The following GRK3 variants were observed in gnomAD, a reference collection of about 807,000 sequenced individuals.
GRK3 encodes the protein adrenergic, beta, receptor kinase 2.
A neutral mutation model predicts 95.7 loss-of-function variants in GRK3; 54 were observed. That is an observed-to-expected ratio of 0.56 (90% CI 0.45 to 0.71). The LOEUF (loss-of-function observed/expected upper bound fraction) is 0.71. Among genes scored for constraint, GRK3 ranks in the 30% least tolerant of loss-of-function variants. The pLI, the probability that GRK3 is intolerant of heterozygous loss-of-function variation, is 0.00. For synonymous variants in GRK3, 281 were observed against 290.8 expected (o/e 0.97, Z 0.34); for missense variants, 649 against 851.2 (o/e 0.76, Z 2.96).
At chr22:25,616,752 G>A (rs1222564607) in intron 2 of GRK3, among the ~76,000 whole-genome samples, 1 of 152,196 alleles carries the variant, frequency 6.6e-6, no homozygotes, top group Non-Finnish European at 1.5e-5. Context: ...AAGGGTTGTG[G>A]GGAGAAGTGG....
chr22:25,566,392 C>A (rs1931486032), intron 1 of GRK3, among the ~76,000 whole-genome samples: 1 of 152,144 alleles, frequency 6.6e-6, no homozygotes, highest in Non-Finnish European at 1.5e-5. Flanking sequence ...ATTTTTTTTA[C>A]AAGTCATCCA....
At chr22:25,604,011 G>A (rs2084426888) in intron 1 of GRK3, among the ~76,000 whole-genome samples, 1 of 152,146 alleles carries the variant, frequency 6.6e-6, no homozygotes, top group South Asian at 2.1e-4. Context: ...TTTGTGGTGG[G>A]GGGGCACAGG....
intron 1 of GRK3, among the ~76,000 whole-genome samples, chr22:25,587,750 C>A (rs936731374): frequency 6.6e-6 from 1 of 152,174 alleles, no homozygotes; most frequent in African/African-American, 2.4e-5. Flanking sequence ...ACACTGTTCT[C>A]GTGGCAGTGA....
chr22:25,581,968 G>A (rs12166999), intron 1 of GRK3, among the ~76,000 whole-genome samples: 1 of 152,150 alleles, frequency 6.6e-6, no homozygotes, highest in South Asian at 2.1e-4. Context: ...AAACATTTCA[G>A]AATAATCATT....
rs191073041 is a variant in GRK3 at position 25,598,219 on chromosome 22, A to C, written c.114-6158A>C. On this transcript the variant is annotated intron_variant, in intron 1 of 20. Transcript: ENST00000324198. ...TTAGAGGTAGACTATGGTAAGTAAAAATGTGTATTGTAAACCCTAGAGCAA... is the reference window on the plus strand; with the variant it reads ...TTAGAGGTAGACTATGGTAAGTAAACATGTGTATTGTAAACCCTAGAGCAA... Among the ~76,000 whole-genome samples the C allele has an allele frequency of 1.1e-4, 17 of 152,306 alleles. No homozygotes were observed. The East Asian group carries it at 3.3e-3, about 29-fold the overall frequency.
intron 2 of GRK3, among the ~76,000 whole-genome samples, chr22:25,610,191 G>A (rs1473972167): frequency 6.6e-6 from 1 of 152,104 alleles, no homozygotes; most frequent in African/African-American, 2.4e-5. Flanking sequence ...GTCCAGGTGT[G>A]GTGGCTCATA....
chr22:25,687,972 C>T (rs904947736), intron 11 of GRK3, among the ~76,000 whole-genome samples: 4 of 152,172 alleles, frequency 2.6e-5, no homozygotes, highest in African/African-American at 2.4e-5. Flanking sequence ...TGCGGTGGCT[C>T]ATGCCTGTAA....
chr22:25,705,118 A>G (rs1415306071), intron 15 of GRK3, among the ~76,000 whole-genome samples: 3 of 152,240 alleles, frequency 2.0e-5, no homozygotes, highest in South Asian at 2.1e-4. Context: ...ATGTACATAT[A>G]TATGAGTATG....
chr22:25,593,388 A>G (rs1932566060), intron 1 of GRK3, among the ~76,000 whole-genome samples: 1 of 151,882 alleles, frequency 6.6e-6, no homozygotes. Context: ...TTTTTTAAAT[A>G]ATAGCCATTT....
At position 25,728,781 on chromosome 22, in the gene GRK3, G is replaced by C. The variant is rs1006550469; in HGVS notation, c.*6331G>C. On this transcript the variant is annotated 3_prime_UTR_variant, in exon 21 of 21. Coordinates refer to ENST00000324198, the MANE Select transcript of GRK3 (RefSeq NM_005160.4). ...AAGGTAAGCGCCCTCATACATGACT[G>C]AAACTTTGTGAGAGGTCTTATATTT... 3.9e-5 allele frequency: 6 copies of C among 152,128 alleles called. No homozygotes were observed. The highest frequency in any genetic ancestry group is 7.3e-5 in the Non-Finnish European group (5 of 68,036). The allele number at this position is 152,128 out of a possible 1,614,324, so 9.4% of individuals were successfully genotyped here. A position where few individuals can be genotyped will look rare whatever the true frequency, so the allele number is the denominator to read the frequency against.
intron 2 of GRK3, among the ~76,000 whole-genome samples, chr22:25,611,132 G>A (rs1440171709): frequency 6.6e-6 from 1 of 152,178 alleles, no homozygotes; most frequent in Non-Finnish European, 1.5e-5. Flanking sequence ...AAAGTGCCGG[G>A]ATTACAGGCA....
Position 25,724,708 on chromosome 22 carries a change from GT to G in GRK3, c.*2259del, listed in dbSNP as rs1396544249. ...GAGGGCGGTCACCAGTTGTGTTGGG[GT>G]CTGGTTTGAGTGCCTTCTGCCAAAA... is the stretch of plus-strand genomic sequence containing the variant. On this transcript the variant is annotated 3_prime_UTR_variant, in exon 21 of 21. Coordinates refer to ENST00000324198, the MANE Select transcript of GRK3 (RefSeq NM_005160.4). The G allele has an allele frequency of 6.6e-6, 1 of 152,144 alleles. No homozygotes were observed. Among genetic ancestry groups the G allele is most frequent in the Non-Finnish European group, 1.5e-5 (1 of 68,040 alleles). 9.4% of individuals were successfully genotyped at this position (152,144 alleles called of 1,614,324 possible). A position where few individuals can be genotyped will look rare whatever the true frequency, so the allele number is the denominator to read the frequency against.
chr22:25,604,433 A>G lies in GRK3; in HGVS notation c.170A>G (p.Lys57Arg), dbSNP rs1349088921. The change falls in exon 2 of 21, where the codon AAG (lysine) becomes AGG (arginine). Residue 57 changes from lysine (K) to arginine (R), a missense_variant. Transcript: ENST00000324198. ...GAGAGAAATGAAATAACCTTTGACA[A>G]GATTTTCAATCAGAAAATTGGTAAG... ...LAERNEITFD[K>R]IFNQKIGFLL... 1.2e-6 allele frequency: 2 copies of G among 1,611,374 alleles called. No individual in the cohort carries two copies. The highest frequency in any genetic ancestry group is 1.7e-6 in the Non-Finnish European group (2 of 1,178,970).
chr22:25,630,149 G>A (rs973543659), intron 2 of GRK3, among the ~76,000 whole-genome samples: 1 of 152,154 alleles, frequency 6.6e-6, no homozygotes, highest in Non-Finnish European at 1.5e-5. Flanking sequence ...AAACTCATGT[G>A]TATCGATTGG....
At chr22:25,673,251 A>T (rs2084999265) in intron 7 of GRK3, among the ~76,000 whole-genome samples, 1 of 151,846 alleles carries the variant, frequency 6.6e-6, no homozygotes, top group Non-Finnish European at 1.5e-5. Context: ...TTTAGTAGAG[A>T]TGGGGTTTCA....
intron 10 of GRK3, among the ~76,000 whole-genome samples, chr22:25,685,870 T>C (rs2085109199): frequency 6.6e-6 from 1 of 151,340 alleles, no homozygotes; most frequent in South Asian, 2.1e-4. Flanking sequence ...ATGCCTAGTT[T>C]TTTTTTTTTT....
At chr22:25,598,532 G>A (rs1246298029) in intron 1 of GRK3, among the ~76,000 whole-genome samples, 1 of 151,548 alleles carries the variant, frequency 6.6e-6, no homozygotes, top group East Asian at 2.0e-4. Flanking sequence ...AAAATTAGCT[G>A]GGCACAGTGG....
At chr22:25,628,599 A>G (rs1226752671) in intron 2 of GRK3, among the ~76,000 whole-genome samples, 1 of 152,234 alleles carries the variant, frequency 6.6e-6, no homozygotes, top group African/African-American at 2.4e-5. Flanking sequence ...CAGTGTGTAT[A>G]GAGTACAGTG....
At chr22:25,566,122 A>G (rs1161828578) in intron 1 of GRK3, among the ~76,000 whole-genome samples, 1 of 152,172 alleles carries the variant, frequency 6.6e-6, no homozygotes, top group Non-Finnish European at 1.5e-5. Flanking sequence ...GGCTTCAGTG[A>G]TGGATTTTTT....
Sources: allele counts gnomAD v4.1 joint callset (sites outside exome capture counted in the v4.1 genomes callset), GRCh38; gene constraint gnomAD v4.1.1; transcripts MANE v1.5; gene names NCBI Gene and HGNC (gene_info 2026-07-23, HGNC 2026-07-21).